Variants in FGFR1OP2 observed in about 807,000 individuals in gnomAD.
FGFR1OP2 encodes fibroblast growth factor receptor 1 oncogene partner 2.
In FGFR1OP2, 17 loss-of-function variants were observed where a neutral mutation model predicts 35.2. The ratio of observed to expected loss-of-function variants is 0.48; its 90% CI spans 0.33 to 0.73. The LOEUF (loss-of-function observed/expected upper bound fraction) is 0.73. Among genes scored for constraint, FGFR1OP2 ranks in the 30% least tolerant of loss-of-function variants. FGFR1OP2 has a pLI of 0.02. For missense variants in FGFR1OP2, 251 were observed against 307.3 expected (o/e 0.82, Z 1.37); for synonymous variants, 105 against 104.6 (o/e 1.00, Z -0.03).
At position 26,952,736 on chromosome 12, in the gene FGFR1OP2, G is replaced by A. The variant is rs185594734; in HGVS notation, c.-14-1409G>A. Among the ~76,000 whole-genome samples, 123 of 143,660 alleles carry A rather than the reference G, an allele frequency of 8.6e-4. 2 individuals carry two copies. In the East Asian group the frequency reaches 0.023, roughly 27 times the overall value. The allele number at this position is 143,660 out of a possible 152,430, so 94.2% of individuals were successfully genotyped here. ...TAATTGGACTAGTTGGTACAGATCTGTAGTCCAGGGCAGTGGTATATAACA... is the reference window on the plus strand; with the variant it reads ...TAATTGGACTAGTTGGTACAGATCTATAGTCCAGGGCAGTGGTATATAACA... On this transcript the variant is annotated intron_variant, in intron 1 of 6. Transcript: ENST00000229395.
At chr12:26,946,990 G>T (rs1351781308) in intron 1 of FGFR1OP2, among the ~76,000 whole-genome samples, 1 of 151,160 alleles carries the variant, frequency 6.6e-6, no homozygotes, top group Non-Finnish European at 1.5e-5. Context: ...CCATGTTGTA[G>T]CCTGTTTCAG....
chr12:26,951,397 A>G (rs1456178230), intron 1 of FGFR1OP2, among the ~76,000 whole-genome samples: 1 of 152,096 alleles, frequency 6.6e-6, no homozygotes, highest in African/African-American at 2.4e-5. Flanking sequence ...TTGGCTCACT[A>G]CAACCTCTGC....
intron 2 of FGFR1OP2, among the ~76,000 whole-genome samples, chr12:26,955,606 CATA>C (rs1336815796): frequency 2.0e-5 from 3 of 152,158 alleles, no homozygotes; most frequent in Non-Finnish European, 4.4e-5. Flanking sequence ...GGCTTCTTAA[CATA>C]ATGTTTTTAA....
intron 2 of FGFR1OP2, among the ~76,000 whole-genome samples, chr12:26,955,031 A>G (rs896409870): frequency 1.3e-5 from 2 of 152,198 alleles, no homozygotes; most frequent in African/African-American, 4.8e-5. Context: ...TAACAAAGCT[A>G]CTGGAAATAG....
chr12:26,939,924 A>G (rs985525824), intron 1 of FGFR1OP2, among the ~76,000 whole-genome samples: 6 of 152,244 alleles, frequency 3.9e-5, no homozygotes, highest in Non-Finnish European at 8.8e-5. Flanking sequence ...TCTGTACATT[A>G]GCTTAAAGGT....
Position 26,949,220 on chromosome 12 carries a change from C to T in FGFR1OP2, c.-14-4925C>T, listed in dbSNP as rs1293170549. On this transcript the variant is annotated intron_variant, in intron 1 of 6. Coordinates refer to ENST00000229395, the MANE Select transcript of FGFR1OP2 (RefSeq NM_015633.3). ...GCGCGATCTCAGCTCACTGCAACCT[C>T]CACCTCCCAGGTACAAGCGATTCTC... 3.9e-5 allele frequency among the ~76,000 whole-genome samples: 6 copies of T among 152,052 alleles called. No homozygotes were observed. In the East Asian group the frequency reaches 1.2e-3, roughly 29 times the overall value.
At chr12:26,964,508 A>C in intron 6 of FGFR1OP2, 88 bp from the exon 7 acceptor site, 1 of 1,446,716 alleles carries the variant, frequency 6.9e-7, no homozygotes, top group Non-Finnish European at 9.4e-7. Flanking sequence ...TTATACCTTC[A>C]TATGTTCAGT....
chr12:26,951,129 T>G (rs1410784470), intron 1 of FGFR1OP2, among the ~76,000 whole-genome samples: 1 of 151,934 alleles, frequency 6.6e-6, no homozygotes, highest in Non-Finnish European at 1.5e-5. Context: ...AAACCTTAGC[T>G]GCTGAATTAA....
chr12:26,948,720 A>C (rs1938868218), intron 1 of FGFR1OP2, among the ~76,000 whole-genome samples: 1 of 152,242 alleles, frequency 6.6e-6, no homozygotes, highest in Admixed American at 6.5e-5. Context: ...GAAATGTATA[A>C]GTTTCAACTA....
chr12:26,960,672 G>A, intron 5 of FGFR1OP2, 44 bp downstream of exon 5: 2 of 1,564,618 alleles, frequency 1.3e-6, no homozygotes, highest in South Asian at 1.2e-5. Flanking sequence ...GGATGGAAGG[G>A]GGGTCCATTT....
intron 5 of FGFR1OP2, 45 bp from the exon 6 acceptor site, chr12:26,963,296 TA>T: frequency 1.5e-6 from 2 of 1,315,888 alleles, no homozygotes; most frequent in Non-Finnish European, 1.1e-6. Flanking sequence ...GATCCAAAAA[TA>T]AAAAAGTATT....
intron 1 of FGFR1OP2, among the ~76,000 whole-genome samples, chr12:26,945,382 C>T (rs1938803556): frequency 6.6e-6 from 1 of 152,294 alleles, no homozygotes; most frequent in South Asian, 2.1e-4. Flanking sequence ...GTTTTACATA[C>T]ATGCCAAAAT....
At chr12:26,953,468 T>C (rs1938970072) in intron 1 of FGFR1OP2, 1 of 152,176 alleles carries the variant, frequency 6.6e-6, no homozygotes, top group African/African-American at 2.4e-5. Context: ...TTAAACATAT[T>C]GCTTACTGAT....
Position 26,957,763 on chromosome 12 carries a change from T to C in FGFR1OP2, c.396+20T>C. On this transcript the variant is annotated intron_variant, in intron 4 of 6. Transcript: ENST00000229395. ...TCCAAGGTAATCCATTCTATAAATG[T>C]GACCTGAAATGGAAAAGAGAGACGA... 6.4e-7 allele frequency: 1 copy of C among 1,569,290 alleles called. No homozygotes were observed. Among genetic ancestry groups the C allele is most frequent in the Non-Finnish European group, 8.6e-7 (1 of 1,159,316 alleles).
chr12:26,951,571 C>G (rs1031167874), intron 1 of FGFR1OP2, among the ~76,000 whole-genome samples: 4 of 152,124 alleles, frequency 2.6e-5, no homozygotes, highest in African/African-American at 7.2e-5. Context: ...CTGCCCTCCT[C>G]GACCTCCCAA....
chr12:26,961,738 A>T (rs977167600), intron 5 of FGFR1OP2: 1 of 151,472 alleles, frequency 6.6e-6, no homozygotes, highest in Non-Finnish European at 1.5e-5. Flanking sequence ...GACTCTGTCT[A>T]AAAAAAAAGA....
In FGFR1OP2 at chr12:26,953,300, A is replaced by C. The variant is rs555407066; in HGVS notation, c.-14-845A>C. Among the ~76,000 whole-genome samples the C allele has an allele frequency of 3.7e-5, 5 of 134,966 alleles. 1 individual carries two copies. Among genetic ancestry groups the C allele is most frequent in the African/African-American group, 1.4e-4 (5 of 35,966 alleles). The allele number at this position is 134,966 out of a possible 152,430, so 88.5% of individuals were successfully genotyped here. ...AAAAAAAAAAAAAAAGGAAGATAAA[A>C]GATTTCAAGGAGGGTAAGTGTAAGT... On this transcript the variant is annotated intron_variant, in intron 1 of 6. Coordinates refer to ENST00000229395, the MANE Select transcript of FGFR1OP2 (RefSeq NM_015633.3).
At chr12:26,950,202 A>C (rs940207074) in intron 1 of FGFR1OP2, among the ~76,000 whole-genome samples, 1 of 101,010 alleles carries the variant, frequency 9.9e-6, no homozygotes, top group African/African-American at 4.0e-5. Flanking sequence ...CAAGTAGTTA[A>C]TGTATTCGTT....
intron 1 of FGFR1OP2, among the ~76,000 whole-genome samples, chr12:26,952,722 G>A (rs1938952504): frequency 1.3e-5 from 2 of 148,238 alleles, no homozygotes; most frequent in South Asian, 4.3e-4. Context: ...AATTGGACTA[G>A]TTGGTACAGA....
Sources: gnomAD v4.1 joint callset for allele counts (sites outside exome capture counted in the v4.1 genomes callset) on GRCh38, gnomAD v4.1.1 for gene constraint, MANE v1.5 for transcripts, NCBI Gene and HGNC (gene_info 2026-07-23, HGNC 2026-07-21) for gene names.